Variants in RRAGD observed in about 807,000 individuals in gnomAD.
The protein encoded by RRAGD is Ras related GTP binding D, also known as ras-related GTP-binding protein D.
A neutral mutation model predicts 35.5 loss-of-function variants in RRAGD; 12 were observed. The observed-to-expected ratio is 0.34, with a 90% CI of 0.22 to 0.55. The LOEUF (loss-of-function observed/expected upper bound fraction) is 0.55. Among genes scored for constraint, RRAGD ranks in the 20% least tolerant of loss-of-function variants. RRAGD has a pLI of 0.91. For missense variants in RRAGD, 324 were observed against 490.1 expected, an observed-to-expected ratio of 0.66 and a Z score of 3.20; for synonymous variants, 155 against 178.9, an observed-to-expected ratio of 0.87 and a Z score of 1.07.
At position 89,379,289 on chromosome 6, in the gene RRAGD, T is replaced by G; in HGVS notation, c.694A>C (p.Lys232Gln). 6.2e-7 allele frequency: 1 copy of G among 1,604,280 alleles called. No individual in the cohort carries two copies. Among genetic ancestry groups the G allele is most frequent in the Non-Finnish European group, 8.5e-7 (1 of 1,173,954 alleles). Reference protein sequence around the residue: ...YDHSIFEAFSKVVQKLIPQLP... With the variant: ...YDHSIFEAFSQVVQKLIPQLP... ...TGTGGAATCAGTTTCTGAACAACTTTGCTAAAAGCTTCAAATATTGAATGA... is the reference window on the plus strand; with the variant it reads ...TGTGGAATCAGTTTCTGAACAACTTGGCTAAAAGCTTCAAATATTGAATGA... Residue 232 changes from lysine to glutamine, a missense_variant, in exon 4 of 7, where the codon AAA becomes CAA. Lys to Gln is a moderately conservative substitution (Grantham distance 53, BLOSUM62 1). Coordinates refer to ENST00000369415, the MANE Select transcript of RRAGD (RefSeq NM_021244.5).
rs1768827121 is a variant in RRAGD at position 89,369,908 on chromosome 6, ACT to A, written c.1052-1703_1052-1702del. On this transcript the variant is annotated intron_variant, in intron 6 of 6. Coordinates refer to ENST00000369415, the MANE Select transcript of RRAGD (RefSeq NM_021244.5). ...GAACAGAGACATAAACAAAATAAAC[ACT>A]CTCTTCACCCCACCTACAGTTCATA... Among the ~76,000 whole-genome samples, 7 of 151,784 alleles carry A rather than the reference ACT, an allele frequency of 4.6e-5. No individual in the cohort carries two copies. The South Asian group carries it at 1.5e-3, about 32-fold the overall frequency.
chr6:89,374,988 A>T (rs1279838860), intron 5 of RRAGD, among the ~76,000 whole-genome samples: 1 of 152,230 alleles, frequency 6.6e-6, no homozygotes, highest in African/African-American at 2.4e-5. Context: ...CCAATGAAGA[A>T]AATAGCATTT....
chr6:89,405,073 A>G (rs981896764), intron 1 of RRAGD, among the ~76,000 whole-genome samples: 2 of 152,202 alleles, frequency 1.3e-5, no homozygotes, highest in South Asian at 4.1e-4. Flanking sequence ...CATAGTGGCC[A>G]GGCACGGTGG....
chr6:89,371,735 C>A (rs1768857163), intron 6 of RRAGD, among the ~76,000 whole-genome samples: 3 of 151,980 alleles, frequency 2.0e-5, no homozygotes. Flanking sequence ...GTAAACCATA[C>A]CCTATTACTA....
Position 89,399,182 on chromosome 6 carries a change from G to A in RRAGD, c.149-11592C>T, listed in dbSNP as rs183793913. On this transcript the variant is annotated intron_variant, in intron 1 of 6. Coordinates refer to ENST00000369415, the MANE Select transcript of RRAGD (RefSeq NM_021244.5). ...TCCACGCTGATGACCTGTAGAAGTT[G>A]AATCTCCTCCTCCTGGGAGGGTGGC... 1.3e-3 allele frequency among the ~76,000 whole-genome samples: 205 copies of A among 152,344 alleles called. 1 individual carries two copies. Among genetic ancestry groups the A allele is most frequent in the African/African-American group, 4.8e-3 (200 of 41,572 alleles).
chr6:89,391,956 C>CAAAAA (rs5878093), intron 1 of RRAGD, among the ~76,000 whole-genome samples: 60 of 99,016 alleles, frequency 6.1e-4, no homozygotes, highest in Middle Eastern at 5.4e-3. Flanking sequence ...GACCCTATCT[C>CAAAAA]AAAAAAAAAA....
Position 89,368,242 on chromosome 6 carries a change from C to T in RRAGD, c.1052-35G>A, listed in dbSNP as rs77382193. On this transcript the variant is annotated intron_variant, in intron 6 of 6. Coordinates refer to ENST00000369415, the MANE Select transcript of RRAGD (RefSeq NM_021244.5). ...AGAACAAAAATATTTATAAATGTCA[C>T]GTAGAAATAATCTCCATCTTTTCAT... 1,808 of 1,591,734 alleles carry T rather than the reference C, an allele frequency of 1.1e-3. 16 individuals carry two copies. The African/African-American group carries it at 0.021, about 19-fold the overall frequency.
At position 89,377,662 on chromosome 6, in the gene RRAGD, T is replaced by G; in HGVS notation, c.902+9A>C. 6.4e-7 allele frequency: 1 copy of G among 1,564,338 alleles called. No individual in the cohort carries two copies. Among genetic ancestry groups the G allele is most frequent in the South Asian group, 1.2e-5 (1 of 82,028 alleles). ...GCTTGATTGTGGCCTTTAAGAATGT[T>G]GTACTTACCCATAAATACAAGAGAT... On this transcript the variant is annotated intron_variant, in intron 5 of 6. Coordinates refer to ENST00000369415, the MANE Select transcript of RRAGD (RefSeq NM_021244.5).
chr6:89,373,448 A>C (rs1768885063), intron 5 of RRAGD, among the ~76,000 whole-genome samples: 1 of 152,112 alleles, frequency 6.6e-6, no homozygotes, highest in Non-Finnish European at 1.5e-5. Context: ...CCCCATCTCT[A>C]CTAAAAATAC....
At chr6:89,382,425 A>ATATATATAT (rs1554203631) in intron 2 of RRAGD, among the ~76,000 whole-genome samples, 2 of 146,948 alleles carry the variant, frequency 1.4e-5, no homozygotes, top group African/African-American at 2.5e-5. Flanking sequence ...ATATATATGT[A>ATATATATAT]ATTAACCAGA....
chr6:89,397,615 A>C (rs575300577), intron 1 of RRAGD, among the ~76,000 whole-genome samples: 1 of 141,648 alleles, frequency 7.1e-6, no homozygotes, highest in South Asian at 2.3e-4. Flanking sequence ...AAAAAAAAAC[A>C]AAAAAAAACA....
At chr6:89,384,555 G>A (rs993614826) in intron 2 of RRAGD, among the ~76,000 whole-genome samples, 23 of 152,176 alleles carry the variant, frequency 1.5e-4, no homozygotes, top group African/African-American at 4.3e-4. Context: ...GGTGGCTCAC[G>A]CCTGTAATCC....
At chr6:89,374,204 CTG>C (rs1292557940) in intron 5 of RRAGD, among the ~76,000 whole-genome samples, 4 of 152,214 alleles carry the variant, frequency 2.6e-5, no homozygotes, top group Non-Finnish European at 5.9e-5. Flanking sequence ...TCTAAGGAAA[CTG>C]AGGCTAGGGG....
intron 1 of RRAGD, among the ~76,000 whole-genome samples, chr6:89,394,176 CAAAAT>C (rs965310940): frequency 4.0e-5 from 6 of 151,260 alleles, no homozygotes; most frequent in African/African-American, 1.2e-4. Flanking sequence ...AGATAAAACT[CAAAAT>C]GAACAGACTC....
intron 1 of RRAGD, among the ~76,000 whole-genome samples, chr6:89,406,325 T>C (rs1769577890): frequency 6.6e-6 from 1 of 152,112 alleles, no homozygotes. Context: ...GTCAGGCATT[T>C]CCGGCCCAAA....
rs78309558 is a variant in RRAGD, at chr6:89,373,682, T to G, written c.903-1097A>C. Among the ~76,000 whole-genome samples the G allele has an allele frequency of 8.3e-3, 1,258 of 151,288 alleles. 11 individuals are homozygous for G. The highest frequency in any genetic ancestry group is 0.012 in the Non-Finnish European group (815 of 67,968). On this transcript the variant is annotated intron_variant, in intron 5 of 6. Transcript: ENST00000369415. ...AAAAGGTGTGGTGTGCAGACACAAG[T>G]GACTTGGGTTTGAATCTCATTTCTT...
At chr6:89,410,983 G>C (rs1769681357) in intron 1 of RRAGD, among the ~76,000 whole-genome samples, 1 of 152,104 alleles carries the variant, frequency 6.6e-6, no homozygotes, top group Non-Finnish European at 1.5e-5. Context: ...AGGAACTTTT[G>C]CTCGCTTCTG....
At chr6:89,398,537 TG>T (rs2127895382) in intron 1 of RRAGD, among the ~76,000 whole-genome samples, 1 of 152,302 alleles carries the variant, frequency 6.6e-6, no homozygotes, top group South Asian at 2.1e-4. Flanking sequence ...AGAATTTGGA[TG>T]GGGTTGAGAG....
intron 1 of RRAGD, among the ~76,000 whole-genome samples, chr6:89,407,869 T>C (rs1220035198): frequency 6.6e-6 from 1 of 151,942 alleles, no homozygotes; most frequent in Non-Finnish European, 1.5e-5. Flanking sequence ...TCCATTAGAC[T>C]ACCCTCTATC....
Sources: gnomAD v4.1 joint callset for allele counts (sites outside exome capture counted in the v4.1 genomes callset) on GRCh38, gnomAD v4.1.1 for gene constraint, MANE v1.5 for transcripts, NCBI Gene and HGNC (gene_info 2026-07-23, HGNC 2026-07-21) for gene names.